The following CCM2 variants were observed in gnomAD, a reference collection of about 807,000 sequenced individuals.
CCM2 encodes the protein cerebral cavernous malformations 2 protein.
CCM2 carries 25 observed loss-of-function variants against 44.9 expected under a neutral mutation model. The observed-to-expected ratio is 0.56, with a 90% confidence interval of 0.41 to 0.78. The LOEUF (loss-of-function observed/expected upper bound fraction) is 0.78. Among genes scored for constraint, CCM2 ranks in the 30% least tolerant of loss-of-function variants. CCM2 has a pLI of 0.00. For synonymous variants in CCM2, 219 were observed against 241.1 expected, an observed-to-expected ratio of 0.91 and a Z score of 0.85; for missense variants, 481 against 580.6, an observed-to-expected ratio of 0.83 and a Z score of 1.76.
intron 1 of CCM2, among the ~76,000 whole-genome samples, chr7:45,036,987 A>G (rs1021627979): frequency 6.6e-6 from 1 of 152,006 alleles, no homozygotes; most frequent in East Asian, 1.9e-4. Flanking sequence ...ATGGTGGGGA[A>G]TAAGTTCTCA....
At chr7:45,065,424 C>T (rs906147797) in intron 4 of CCM2, among the ~76,000 whole-genome samples, 1 of 152,216 alleles carries the variant, frequency 6.6e-6, no homozygotes, top group Non-Finnish European at 1.5e-5. Flanking sequence ...GATCCCAAAG[C>T]CTTTCATTTC....
chr7:45,042,005 G>T (rs1195857948), intron 2 of CCM2, among the ~76,000 whole-genome samples: 1 of 152,142 alleles, frequency 6.6e-6, no homozygotes, highest in Non-Finnish European at 1.5e-5. Flanking sequence ...GTCGAGCGCC[G>T]TGGCCCATGC....
intron 6 of CCM2, chr7:45,070,992 TGCCAG>T (rs1412320544): frequency 6.6e-6 from 1 of 152,560 alleles, no homozygotes; most frequent in Non-Finnish European, 1.5e-5. Context: ...TTGCTGCTGG[TGCCAG>T]AGCCCTTTGT....
intron 1 of CCM2, among the ~76,000 whole-genome samples, chr7:45,000,587 G>T (rs1003450420): frequency 2.0e-5 from 3 of 151,916 alleles, no homozygotes; most frequent in Non-Finnish European, 2.9e-5. Flanking sequence ...GCAGCGGCTC[G>T]CCCCGACCTC....
At chr7:45,040,207 A>G (rs10232180) in intron 2 of CCM2, among the ~76,000 whole-genome samples, 12,654 of 150,806 alleles carry the variant, frequency 0.084, 1,233 homozygotes, top group African/African-American at 0.24. Context: ...ACACAGTGAA[A>G]CCCTGTCTCT....
intron 2 of CCM2, among the ~76,000 whole-genome samples, chr7:45,059,006 A>G (rs1798399954): frequency 6.6e-6 from 1 of 151,626 alleles, no homozygotes; most frequent in African/African-American, 2.4e-5. Context: ...TGGCCTCTCA[A>G]AGTGCTGGGA....
intron 1 of CCM2, 147 bp from the exon 2 acceptor site, chr7:45,038,106 G>A: frequency 2.1e-6 from 2 of 950,774 alleles, no homozygotes; most frequent in Admixed American, 2.0e-5. Flanking sequence ...TGTGCTGTTG[G>A]TACCTTTCTC....
chr7:45,024,962 C>A (rs918776229), intron 1 of CCM2, among the ~76,000 whole-genome samples: 8 of 152,172 alleles, frequency 5.3e-5, no homozygotes, highest in African/African-American at 9.6e-5. Context: ...TTGATTCTGC[C>A]TGCTCTTATT....
rs1418279801 is a variant in CCM2, at chr7:45,064,562, A to G, written c.388A>G (p.Ile130Val). 3 of 1,613,864 alleles carry G rather than the reference A, an allele frequency of 1.9e-6. No individual in the cohort carries two copies. The highest frequency in any genetic ancestry group is 2.5e-6 in the Non-Finnish European group (3 of 1,179,974). ...VKLAWRDGED[I>V]ILRVPIHDIA... ...GCTGGCCTGGAGGGACGGGGAGGAT[A>G]TCATCCTCAGGGTGCCCATCCATGA... The change falls in exon 4 of 10, where the codon ATC becomes GTC. Residue 130 changes from isoleucine (I) to valine (V), a missense_variant. Coordinates refer to ENST00000258781, the MANE Select transcript of CCM2 (RefSeq NM_031443.4).
At chr7:45,058,783 T>C (rs1798387105) in intron 2 of CCM2, among the ~76,000 whole-genome samples, 1 of 151,978 alleles carries the variant, frequency 6.6e-6, no homozygotes, top group South Asian at 2.1e-4. Flanking sequence ...TACAACGATA[T>C]ATTTTTTTTT....
At chr7:45,009,894 T>C (rs996489471) in intron 1 of CCM2, among the ~76,000 whole-genome samples, 6 of 152,108 alleles carry the variant, frequency 3.9e-5, no homozygotes, top group Admixed American at 3.3e-4. Flanking sequence ...TGTAAAATTA[T>C]GTAACAATGA....
At chr7:45,073,084 C>A in intron 7 of CCM2, 1 of 587,714 alleles carries the variant, frequency 1.7e-6, no homozygotes, top group Non-Finnish European at 3.0e-6. Context: ...CCTGCCGAGG[C>A]GCTGGCCTTC....
At chr7:45,008,275 T>C (rs1795924513) in intron 1 of CCM2, among the ~76,000 whole-genome samples, 1 of 151,892 alleles carries the variant, frequency 6.6e-6, no homozygotes, top group Admixed American at 6.6e-5. Context: ...CTTGACCTCA[T>C]GATCCACCCG....
At chr7:45,038,735 A>T (rs1474443911) in intron 2 of CCM2, among the ~76,000 whole-genome samples, 2 of 152,212 alleles carry the variant, frequency 1.3e-5, no homozygotes, top group Non-Finnish European at 2.9e-5. Context: ...GAGAAAACTC[A>T]CATCTCCTGT....
At chr7:45,070,525 A>G in intron 6 of CCM2, 1 of 449,662 alleles carries the variant, frequency 2.2e-6, no homozygotes, top group Non-Finnish European at 4.5e-6. Context: ...CAGCATTTTC[A>G]GGAGTCTGTT....
intron 2 of CCM2, among the ~76,000 whole-genome samples, chr7:45,046,126 T>C (rs549933219): frequency 2.0e-5 from 3 of 152,344 alleles, no homozygotes; most frequent in Admixed American, 2.0e-4. Context: ...TATGAAATAA[T>C]TTGAATAGCT....
intron 1 of CCM2, among the ~76,000 whole-genome samples, chr7:45,023,797 T>G (rs13307290): frequency 0.34 from 8,455 of 24,662 alleles, 341 homozygotes; most frequent in South Asian, 0.46. Context: ...GTTTTTTTTT[T>G]TTTTTTTTTT....
intron 1 of CCM2, among the ~76,000 whole-genome samples, chr7:45,037,260 G>T (rs2128728430): frequency 6.6e-6 from 1 of 151,672 alleles, no homozygotes; most frequent in East Asian, 1.9e-4. Flanking sequence ...TGCAGGCGAG[G>T]CTTGCTGTAA....
intron 2 of CCM2, among the ~76,000 whole-genome samples, chr7:45,045,097 TTCTA>T (rs1185837720): frequency 1.3e-5 from 2 of 152,232 alleles, no homozygotes; most frequent in Non-Finnish European, 2.9e-5. Context: ...AGCCTTTTCT[TTCTA>T]TCTGACATTA....
Sources: gnomAD v4.1 joint callset for allele counts (sites outside exome capture counted in the v4.1 genomes callset) on GRCh38, gnomAD v4.1.1 for gene constraint, MANE v1.5 for transcripts, NCBI Gene and HGNC (gene_info 2026-07-23, HGNC 2026-07-21) for gene names.